Variants in LGSN observed in about 807,000 individuals in gnomAD.
The protein encoded by LGSN is lengsin.
Under a neutral mutation model 19.5 loss-of-function variants are expected in LGSN, and 21 were observed. The ratio of observed to expected loss-of-function variants is 1.07; its 90% confidence interval spans 0.76 to 1.55. The LOEUF is 1.55. Ranked by LOEUF, LGSN falls within the 40% of genes most tolerant of loss-of-function variation. The pLI, the probability that LGSN is intolerant of heterozygous loss-of-function variation, is 0.00. For synonymous variants in LGSN, 257 were observed against 215.6 expected (o/e 1.19, Z -1.68); for missense variants, 673 against 608.5 (o/e 1.11, Z -1.12).
chr6:63,321,574 T>C (rs1245780367), upstream of LGSN, among the ~76,000 whole-genome samples: 1 of 152,188 alleles, frequency 6.6e-6, no homozygotes, highest in Non-Finnish European at 1.5e-5. Context: ...TTTTTTATAA[T>C]ATCCTTTCCT....
chr6:63,320,908 A>C (rs566581153), upstream of LGSN, among the ~76,000 whole-genome samples: 42 of 152,298 alleles, frequency 2.8e-4, no homozygotes, highest in South Asian at 7.9e-3. Context: ...CCCATTTCCT[A>C]AAGACAGTGA....
chr6:63,379,284 A>G, the LGSN span, among the ~76,000 whole-genome samples: 2 of 152,176 alleles, frequency 1.3e-5, no homozygotes, highest in Admixed American at 6.5e-5. Context: ...CAGAACCAAG[A>G]GAAGGGGATA....
At chr6:63,494,029 A>G in the LGSN span, among the ~76,000 whole-genome samples, 1 of 148,692 alleles carries the variant, frequency 6.7e-6, no homozygotes, top group Non-Finnish European at 1.5e-5. Context: ...GGCTCACTGC[A>G]ACCTCTGCCT....
chr6:63,360,498 T>C, the LGSN span, among the ~76,000 whole-genome samples: 1 of 152,202 alleles, frequency 6.6e-6, no homozygotes, highest in African/African-American at 2.4e-5. Context: ...CGTGTCATGG[T>C]TTTCAGCTCC....
rs1019568155 is a variant in LGSN at position 63,279,886 on chromosome 6, C to CA, written c.*134dup. Reference sequence around the variant, plus strand: ...CTTCATCTGTCAAATATTCCATGGACAAAAAAAAAAGTCAAAAGCATTCGT... The same window carrying CA: ...CTTCATCTGTCAAATATTCCATGGACAAAAAAAAAAAGTCAAAAGCATTCGT... On this transcript the variant is annotated 3_prime_UTR_variant, in exon 4 of 4. Coordinates refer to ENST00000370657, the MANE Select transcript of LGSN (RefSeq NM_016571.3). 8,293 of 695,684 alleles carry CA rather than the reference C, an allele frequency of 0.012. 13 individuals are homozygous for CA. The highest frequency in any genetic ancestry group is 0.029 in the African/African-American group (1,537 of 53,198). 43.1% of individuals were successfully genotyped at this position (695,684 alleles called of 1,614,324 possible).
At chr6:63,442,348 C>T in the LGSN span, among the ~76,000 whole-genome samples, 2 of 152,232 alleles carry the variant, frequency 1.3e-5, no homozygotes, top group African/African-American at 2.4e-5. Flanking sequence ...GACCGGGTTG[C>T]TGCTGCTAGC....
chr6:63,333,293 T>A, the LGSN span, among the ~76,000 whole-genome samples: 3 of 151,852 alleles, frequency 2.0e-5, no homozygotes, highest in African/African-American at 7.3e-5. Context: ...ACTGGATGGA[T>A]TAACTGCTGA....
chr6:63,484,498 T>G, the LGSN span, among the ~76,000 whole-genome samples: 2 of 152,028 alleles, frequency 1.3e-5, no homozygotes, highest in East Asian at 3.9e-4. Flanking sequence ...CACTCCAGCC[T>G]AAGCAACAGA....
the LGSN span, among the ~76,000 whole-genome samples, chr6:63,379,422 G>A: frequency 1.1e-4 from 16 of 152,294 alleles, no homozygotes; most frequent in Admixed American, 2.6e-4. Flanking sequence ...GGGCCTCAGC[G>A]TAGCATCCAC....
At chr6:63,523,800 T>C in the LGSN span, among the ~76,000 whole-genome samples, 1 of 152,132 alleles carries the variant, frequency 6.6e-6, no homozygotes, top group South Asian at 2.1e-4. Context: ...CAATTCTTCT[T>C]TCAGTGGGGC....
At chr6:63,293,763 T>A (rs553494267) in intron 2 of LGSN, 47 of 456,678 alleles carry the variant, frequency 1.0e-4, no homozygotes, top group Admixed American at 9.4e-4. Context: ...GTCCTTGTCA[T>A]CATATGACAG....
chr6:63,461,090 C>G, the LGSN span, among the ~76,000 whole-genome samples: 1 of 152,098 alleles, frequency 6.6e-6, no homozygotes, highest in African/African-American at 2.4e-5. Flanking sequence ...TCCCCCAAGA[C>G]GGAGTCTTAC....
At chr6:63,572,737 C>T in the LGSN span, 4 of 398,246 alleles carry the variant, frequency 1.0e-5, no homozygotes, top group Non-Finnish European at 1.8e-5. Flanking sequence ...GCCGTCGCAT[C>T]GTCGCCTCTC....
chr6:63,332,916 G>C, the LGSN span, among the ~76,000 whole-genome samples: 3 of 151,954 alleles, frequency 2.0e-5, no homozygotes, highest in Non-Finnish European at 2.9e-5. Flanking sequence ...GGACCCTCGC[G>C]GTGAGTGTTA....
the LGSN span, among the ~76,000 whole-genome samples, chr6:63,417,409 C>T: frequency 6.6e-6 from 1 of 152,184 alleles, no homozygotes; most frequent in South Asian, 2.1e-4. Context: ...ACTAACTCTC[C>T]TATCTTCTCT....
the LGSN span, among the ~76,000 whole-genome samples, chr6:63,473,473 A>T: frequency 7.6e-5 from 2 of 26,204 alleles, no homozygotes; most frequent in African/African-American, 2.6e-4. Flanking sequence ...CACTCTGTCT[A>T]AAAAAAAAAA....
At chr6:63,393,815 C>T in the LGSN span, among the ~76,000 whole-genome samples, 2 of 152,122 alleles carry the variant, frequency 1.3e-5, no homozygotes, top group Non-Finnish European at 2.9e-5. Context: ...ATTTTCCTGG[C>T]GCCAGACAAC....
At chr6:63,560,354 A>AAAAAAG in the LGSN span, among the ~76,000 whole-genome samples, 1 of 149,734 alleles carries the variant, frequency 6.7e-6, no homozygotes, top group African/African-American at 2.5e-5. Flanking sequence ...AAAAAAAAAA[A>AAAAAAG]AAAGAAAGAA....
chr6:63,537,754 C>T, the LGSN span, among the ~76,000 whole-genome samples: 1 of 152,118 alleles, frequency 6.6e-6, no homozygotes, highest in East Asian at 1.9e-4. Context: ...AAATAGGGAC[C>T]CTACAGTTTA....
Sources: allele counts gnomAD v4.1 joint callset (sites outside exome capture counted in the v4.1 genomes callset), GRCh38; gene constraint gnomAD v4.1.1; transcripts MANE v1.5; gene names NCBI Gene and HGNC (gene_info 2026-07-23, HGNC 2026-07-21).